Variants in CYFIP1 observed in about 807,000 individuals in gnomAD.
CYFIP1 encodes the protein cytoplasmic FMR1-interacting protein 1.
Under a neutral mutation model 163.5 loss-of-function variants are expected in CYFIP1, and 58 were observed. That is an observed-to-expected ratio of 0.35 (90% confidence interval 0.29 to 0.44). CYFIP1 has a LOEUF of 0.44. Ranked by LOEUF, CYFIP1 falls within the 20% of genes least tolerant of loss-of-function variation. The pLI, the probability that CYFIP1 is intolerant of heterozygous loss-of-function variation, is 1.00. For synonymous variants in CYFIP1, 663 were observed against 660.7 expected (o/e 1.00, Z -0.05); for missense variants, 1,338 against 1,653.8 (o/e 0.81, Z 3.31).
rs563740565 is a variant in CYFIP1 at position 22,957,601 on chromosome 15, A to C, written c.-6-10310T>G. 1.5e-4 allele frequency among the ~76,000 whole-genome samples: 23 copies of C among 152,300 alleles called. No homozygotes were observed. In the South Asian group the frequency reaches 3.5e-3, roughly 23 times the overall value. On this transcript the variant is annotated intron_variant, in intron 1 of 30. Transcript: ENST00000617928. ...CAGTGAGCCGAGATCGTGTCACTGCACTCCAGCCTGGGCGACAGAGCAAGA... is the reference window on the plus strand; with the variant it reads ...CAGTGAGCCGAGATCGTGTCACTGCCCTCCAGCCTGGGCGACAGAGCAAGA...
intron 23 of CYFIP1, among the ~76,000 whole-genome samples, chr15:22,891,005 C>A (rs1026581398): frequency 6.6e-6 from 1 of 152,206 alleles, no homozygotes. Context: ...CTCCCACCCC[C>A]ACCTTTAACC....
intron 22 of CYFIP1, among the ~76,000 whole-genome samples, chr15:22,894,722 T>C (rs1000447342): frequency 5.3e-5 from 8 of 151,478 alleles, no homozygotes; most frequent in Admixed American, 1.3e-4. Context: ...TACAGAACTG[T>C]TGAAGTAATG....
intron 1 of CYFIP1, among the ~76,000 whole-genome samples, chr15:22,949,229 G>C (rs1036731480): frequency 6.6e-6 from 1 of 151,404 alleles, no homozygotes; most frequent in Non-Finnish European, 1.5e-5. Context: ...GATTCCCCCC[G>C]GGGACCAGGC....
rs2059372268 is a variant in CYFIP1, at chr15:22,869,803, T to C, written c.*225A>G. 2.6e-6 allele frequency: 1 copy of C among 391,742 alleles called. No homozygotes were observed. The highest frequency in any genetic ancestry group is 4.4e-6 in the Non-Finnish European group (1 of 225,662). 24.3% of individuals were successfully genotyped at this position (391,742 alleles called of 1,614,324 possible). On this transcript the variant is annotated 3_prime_UTR_variant, in exon 31 of 31. Transcript: ENST00000617928. The stretch of plus-strand genomic sequence containing the variant: ...GAAAAACAATTTTGTAGGAACGTGA[T>C]GGCAACAATCAGCAGCCAATATTCT...
At chr15:22,978,285 T>C (rs961073947) in intron 1 of CYFIP1, among the ~76,000 whole-genome samples, 4 of 131,998 alleles carry the variant, frequency 3.0e-5, no homozygotes, top group African/African-American at 8.7e-5. Flanking sequence ...CCAGGAGGCA[T>C]AGGTTGTGGC....
chr15:22,899,556 C>CTT (rs2141992837), intron 22 of CYFIP1, among the ~76,000 whole-genome samples: 1 of 51,990 alleles, frequency 1.9e-5, no homozygotes, highest in South Asian at 8.4e-4. Flanking sequence ...TGCACAAGCT[C>CTT]TCTCTCGTCT....
intron 1 of CYFIP1, among the ~76,000 whole-genome samples, chr15:22,973,335 A>G (rs1426823148): frequency 9.7e-5 from 14 of 144,142 alleles, no homozygotes; most frequent in African/African-American, 2.3e-4. Context: ...AAAAAAAAAA[A>G]GGGAGAAGAA....
Position 22,872,920 on chromosome 15 carries a change from G to T in CYFIP1, c.3502C>A (p.Leu1168Ile). The change falls in exon 30 of 31, where the codon CTT (leucine) becomes ATT (isoleucine). Residue 1168 changes from leucine to isoleucine, a missense_variant. Leu to Ile is a conservative substitution (Grantham distance 5). Around this residue, in one of 4 missense-constraint regions of CYFIP1, gnomAD observed 306 missense variants for 322.1 expected, o/e 0.95. Coordinates refer to ENST00000617928, the MANE Select transcript of CYFIP1 (RefSeq NM_014608.6). ...ACAGCAAAACGCCGCTGCTGCCCAA[G>T]AAGTACGATGATCATACAGCCAGCC... is the stretch of plus-strand genomic sequence containing the variant. ...HWAGCMIIVL[L>I]GQQRRFAVLD... The T allele has an allele frequency of 1.2e-6, 2 of 1,614,108 alleles. No individual in the cohort carries two copies. The highest frequency in any genetic ancestry group is 1.7e-6 in the Non-Finnish European group (2 of 1,179,978).
intron 1 of CYFIP1, among the ~76,000 whole-genome samples, chr15:22,955,227 C>T (rs569902449): frequency 6.6e-6 from 1 of 152,336 alleles, no homozygotes; most frequent in South Asian, 2.1e-4. Context: ...AAGTGGTCCT[C>T]ACAGCTGCCT....
chr15:22,900,501 C>T (rs1296857043), intron 22 of CYFIP1, among the ~76,000 whole-genome samples: 2 of 151,610 alleles, frequency 1.3e-5, no homozygotes, highest in African/African-American at 2.4e-5. Context: ...CGGGTTCACG[C>T]CATTCTCCTG....
At chr15:22,951,246 C>A in intron 1 of CYFIP1, 1 of 957,146 alleles carries the variant, frequency 1.0e-6, no homozygotes, top group Non-Finnish European at 1.3e-6. Context: ...TAAGGGAACG[C>A]CCCCGACCGC....
intron 6 of CYFIP1, among the ~76,000 whole-genome samples, chr15:22,940,256 A>C (rs1190421955): frequency 6.6e-6 from 1 of 152,146 alleles, no homozygotes. Context: ...GATAACCTAC[A>C]CCAACATTCA....
intron 1 of CYFIP1, among the ~76,000 whole-genome samples, chr15:22,978,404 A>T (rs888631699): frequency 1.3e-5 from 2 of 149,964 alleles, no homozygotes; most frequent in Admixed American, 1.3e-4. Context: ...CGGTTATTTA[A>T]AAGATTGAGG....
At chr15:22,870,354 A>T (rs55945489) in intron 30 of CYFIP1, among the ~76,000 whole-genome samples, 162 bp from the exon 31 acceptor site, 10,058 of 151,584 alleles carry the variant, frequency 0.066, 501 homozygotes, top group African/African-American at 0.14. Context: ...ATAGGGTCTC[A>T]CTCTGACGCC....
chr15:22,917,737 G>A lies in CYFIP1; in HGVS notation c.1674+51C>T. On this transcript the variant is annotated intron_variant, in intron 15 of 30. Coordinates refer to ENST00000617928, the MANE Select transcript of CYFIP1 (RefSeq NM_014608.6). This position sits in a 1 kb window ranked among gnomAD's most constrained non-coding sequence, Gnocchi z 4.2. ...ACCAGCCCCACCCGCTCACAGCTCA[G>A]GGTGGGTCCCCCCAGGGAGAGGGTG... is the stretch of plus-strand genomic sequence containing the variant. 1 of 1,523,520 alleles carries A rather than the reference G, an allele frequency of 6.6e-7. No individual in the cohort carries two copies. The highest frequency in any genetic ancestry group is 8.8e-7 in the Non-Finnish European group (1 of 1,136,048). The allele number at this position is 1,523,520 out of a possible 1,614,324, so 94.4% of individuals were successfully genotyped here.
chr15:22,883,600 A>G (rs7173226), intron 23 of CYFIP1, among the ~76,000 whole-genome samples: 6,174 of 152,156 alleles, frequency 0.041, 181 homozygotes, highest in African/African-American at 0.086. Context: ...GGCAGATCAC[A>G]AGGTCAGGAG....
Position 22,917,952 on chromosome 15 carries a change from G to A in CYFIP1, c.1527-17C>T, listed in dbSNP as rs1000050554. 4 of 1,610,128 alleles carry A rather than the reference G, an allele frequency of 2.5e-6. No homozygotes were observed. In the African/African-American group the frequency reaches 5.3e-5, roughly 22 times the overall value. On this transcript the variant is annotated splice_polypyrimidine_tract_variant and intron_variant, in intron 14 of 30. Transcript: ENST00000617928. This position sits in a 1 kb window ranked among gnomAD's most constrained non-coding sequence, Gnocchi z 4.2. ...TGCAGGACACTGAACACCCCACCAA[G>A]TGATCAGCAAGGCCCAGAGGCCGAG...
At chr15:22,954,732 T>C (rs1290180902) in intron 1 of CYFIP1, among the ~76,000 whole-genome samples, 2 of 152,228 alleles carry the variant, frequency 1.3e-5, no homozygotes, top group East Asian at 3.8e-4. Flanking sequence ...TGTCAAGATA[T>C]AAAAATGAAT....
chr15:22,915,398 T>A (rs1373005678), intron 16 of CYFIP1, among the ~76,000 whole-genome samples: 1 of 152,110 alleles, frequency 6.6e-6, no homozygotes, highest in African/African-American at 2.4e-5. Context: ...GTGTTAGGAT[T>A]AACAGGTATG....
Sources: allele counts gnomAD v4.1 joint callset (sites outside exome capture counted in the v4.1 genomes callset), GRCh38; gene constraint gnomAD v4.1.1; regional missense constraint gnomAD v4.1.1; non-coding constraint Gnocchi (gnomAD v3.1); transcripts MANE v1.5; gene names NCBI Gene and HGNC (gene_info 2026-07-23, HGNC 2026-07-21).